Variants in LYAR observed in about 807,000 individuals in gnomAD.
LYAR encodes the protein Ly1 antibody reactive, also known as cell growth-regulating nucleolar protein.
A neutral mutation model predicts 45.2 loss-of-function variants in LYAR; 37 were observed. The ratio of observed to expected loss-of-function variants is 0.82; its 90% CI spans 0.63 to 1.08. The LOEUF (loss-of-function observed/expected upper bound fraction) is 1.08. Ranked by LOEUF, LYAR falls within the 50% of genes least tolerant of loss-of-function variation. The pLI is 0.00. For synonymous variants in LYAR, 176 were observed against 155.1 expected (o/e 1.14, Z -1.00); for missense variants, 493 against 451.0 (o/e 1.09, Z -0.84).
intron 4 of LYAR, 36 bp downstream of exon 4, chr4:4,281,747 C>G: frequency 6.8e-7 from 1 of 1,479,476 alleles, no homozygotes; most frequent in South Asian, 1.1e-5. Flanking sequence ...CGGAAGCTGT[C>G]AGAGGAAGCT....
intron 8 of LYAR, 109 bp from the exon 9 acceptor site, chr4:4,268,724 C>T: frequency 1.5e-6 from 1 of 673,750 alleles, no homozygotes; most frequent in Non-Finnish European, 2.6e-6. Flanking sequence ...TGAGCTAACC[C>T]TCTAATGAAC....
intron 1 of LYAR, among the ~76,000 whole-genome samples, 179 bp from the exon 2 acceptor site, chr4:4,286,751 A>G (rs1719631910): frequency 6.8e-6 from 1 of 146,134 alleles, no homozygotes. Flanking sequence ...GGTTCATGCC[A>G]TTCTCTTGCC....
At chr4:4,282,497 T>C (rs1015617550) in intron 3 of LYAR, among the ~76,000 whole-genome samples, 2 of 152,170 alleles carry the variant, frequency 1.3e-5, no homozygotes, top group African/African-American at 4.8e-5. Context: ...AGCTTCCTCC[T>C]AGGATTACGT....
chr4:4,274,867 A>G, intron 6 of LYAR, 98 bp from the exon 7 acceptor site: 1 of 1,230,064 alleles, frequency 8.1e-7, no homozygotes, highest in South Asian at 1.5e-5. Flanking sequence ...ACTGTTCAAG[A>G]AAAACGGTTG....
In LYAR at chr4:4,279,770, AG is replaced by A. The variant is rs1560095558; in HGVS notation, c.238-22del. 2.0e-6 allele frequency: 3 copies of A among 1,465,374 alleles called. No homozygotes were observed. The South Asian group carries it at 3.6e-5, about 17-fold the overall frequency. The allele number at this position is 1,465,374 out of a possible 1,614,324, so 90.8% of individuals were successfully genotyped here. ...ATTTTCTACAAAAAGGGAAGAAAAA[AG>A]AAAAACTATTAATAAACAACCAACA... On this transcript the variant is annotated intron_variant, in intron 4 of 9. Transcript: ENST00000343470.
At chr4:4,273,474 A>C in intron 8 of LYAR, 109 bp downstream of exon 8, 1 of 724,558 alleles carries the variant, frequency 1.4e-6, no homozygotes. Context: ...CTACAGCCTC[A>C]CACTCCTGAG....
At position 4,278,546 on chromosome 4, in the gene LYAR, G is replaced by A. The variant is rs148214211; in HGVS notation, c.429+901C>T. ...AGCACACTGCTCATCTACCTTAACC[G>A]TAACCTTCAGAGGCTGCTGTGACCC... On this transcript the variant is annotated intron_variant, in intron 6 of 9. Transcript: ENST00000343470. Among the ~76,000 whole-genome samples, 6 of 152,190 alleles carry A rather than the reference G, an allele frequency of 3.9e-5. No homozygotes were observed. In the East Asian group the frequency reaches 5.8e-4, roughly 15 times the overall value.
At chr4:4,280,832 C>T (rs570595915) in intron 4 of LYAR, among the ~76,000 whole-genome samples, 1 of 152,348 alleles carries the variant, frequency 6.6e-6, no homozygotes, top group African/African-American at 2.4e-5. Context: ...CGTTCCAACT[C>T]TATTATCAAA....
intron 6 of LYAR, among the ~76,000 whole-genome samples, chr4:4,278,725 T>C (rs1483423440): frequency 1.3e-5 from 2 of 152,192 alleles, no homozygotes; most frequent in African/African-American, 4.8e-5. Context: ...TGAATGAATA[T>C]TACTATCCAC....
In LYAR at chr4:4,279,721, T is replaced by A; in HGVS notation, c.266A>T (p.Asn89Ile). The change falls in exon 5 of 10, where the codon AAT (asparagine) becomes ATT (isoleucine). Residue 89 changes from asparagine (N) to isoleucine (I), a missense_variant. Coordinates refer to ENST00000343470, the MANE Select transcript of LYAR (RefSeq NM_017816.3). The stretch of plus-strand genomic sequence containing the variant: ...AAGTTCTCTCACTTTGGGGCTGACA[T>A]TGGGTCTCTTTATTAATTCACTAAT... ...QKISELIKRP[N>I]VSPKVRELLE... The A allele has an allele frequency of 1.2e-6, 2 of 1,611,636 alleles. No homozygotes were observed. Among genetic ancestry groups the A allele is most frequent in the Non-Finnish European group, 1.7e-6 (2 of 1,178,578 alleles).
chr4:4,287,291 T>C (rs1719655615), intron 1 of LYAR, among the ~76,000 whole-genome samples: 1 of 152,230 alleles, frequency 6.6e-6, no homozygotes, highest in African/African-American at 2.4e-5. Flanking sequence ...GTTGAGAGCA[T>C]ACTTCGGTTC....
At chr4:4,281,287 C>A (rs755385190) in intron 4 of LYAR, among the ~76,000 whole-genome samples, 2 of 151,946 alleles carry the variant, frequency 1.3e-5, no homozygotes, top group African/African-American at 2.4e-5. Context: ...TATAATGCAC[C>A]GCAACTGTTT....
intron 6 of LYAR, 26 bp downstream of exon 6, chr4:4,279,421 C>G (rs187949810): frequency 6.7e-7 from 1 of 1,493,388 alleles, no homozygotes; most frequent in Admixed American, 1.9e-5. Context: ...TGCCACAATG[C>G]AAATCTAAAA....
chr4:4,285,115 C>T (rs1384689660), intron 2 of LYAR, among the ~76,000 whole-genome samples: 2 of 152,168 alleles, frequency 1.3e-5, no homozygotes, highest in Non-Finnish European at 2.9e-5. Flanking sequence ...AGGCCTCTTG[C>T]CCTGTGGGAC....
intron 9 of LYAR, 112 bp from the exon 10 acceptor site, chr4:4,268,135 G>T: frequency 9.8e-7 from 1 of 1,022,566 alleles, no homozygotes; most frequent in Non-Finnish European, 1.3e-6. Flanking sequence ...AAACCCAGGA[G>T]CAAGCGACAC....
chr4:4,285,945 G>A (rs56090640), intron 2 of LYAR, among the ~76,000 whole-genome samples: 8,633 of 152,284 alleles, frequency 0.057, 283 homozygotes, highest in Non-Finnish European at 0.076. Context: ...TATCTCTCTG[G>A]AGATCGGCTA....
At chr4:4,289,003 C>T (rs1271799800) in intron 1 of LYAR, among the ~76,000 whole-genome samples, 1 of 152,188 alleles carries the variant, frequency 6.6e-6, no homozygotes, top group African/African-American at 2.4e-5. Flanking sequence ...AAGACTCAAG[C>T]CCCTTCCACG....
chr4:4,269,177 G>A (rs550355291), intron 8 of LYAR, among the ~76,000 whole-genome samples: 1 of 152,138 alleles, frequency 6.6e-6, no homozygotes, highest in Non-Finnish European at 1.5e-5. Flanking sequence ...AGAGCAACAC[G>A]GGGTGAGCTT....
At position 4,274,479 on chromosome 4, in the gene LYAR, C is replaced by T; in HGVS notation, c.720G>A (p.Glu240=). The T allele has an allele frequency of 6.2e-7, 1 of 1,614,186 alleles. No individual in the cohort carries two copies. The highest frequency in any genetic ancestry group is 8.5e-7 in the Non-Finnish European group (1 of 1,180,038). The change falls in exon 7 of 10, where the codon GAG becomes GAA. Residue 240 remains glutamate, a synonymous_variant. Transcript: ENST00000343470. The part of the protein sequence containing the change: ...DLEAGGEEVP[E]ANGSAGKRSK... ...TCCTCTTCCCTGCAGAGCCATTGGCCTCAGGGACTTCCTCCCCACCAGCCT... is the reference window on the plus strand; with the variant it reads ...TCCTCTTCCCTGCAGAGCCATTGGCTTCAGGGACTTCCTCCCCACCAGCCT...
Sources: gnomAD v4.1 joint callset for allele counts (sites outside exome capture counted in the v4.1 genomes callset) on GRCh38, gnomAD v4.1.1 for gene constraint, MANE v1.5 for transcripts, NCBI Gene and HGNC (gene_info 2026-07-23, HGNC 2026-07-21) for gene names.